Variants in GLMN observed in about 807,000 individuals in gnomAD.
GLMN encodes the protein glomulin.
GLMN carries 75 observed loss-of-function variants against 87.8 expected under a neutral mutation model. That is an observed-to-expected ratio of 0.85 (90% CI 0.71 to 1.04). The LOEUF is 1.04. Among genes scored for constraint, GLMN ranks in the 50% least tolerant of loss-of-function variants. The probability of loss-of-function intolerance (pLI) is 0.00; values close to 1 mark genes in which losing one functional copy is unlikely to be tolerated. For missense variants in GLMN, 588 were observed against 658.8 expected (o/e 0.89, Z 1.18); for synonymous variants, 206 against 221.6 (o/e 0.93, Z 0.63).
chr1:92,315,125 A>T, the GLMN span, among the ~76,000 whole-genome samples: 3 of 152,118 alleles, frequency 2.0e-5, no homozygotes, highest in South Asian at 4.1e-4. Flanking sequence ...AAAAAAAAAA[A>T]TTTAAAGGAA....
At chr1:92,356,586 T>TGG in the GLMN span, among the ~76,000 whole-genome samples, 19 of 104,876 alleles carry the variant, frequency 1.8e-4, 1 homozygote, top group Non-Finnish European at 3.2e-4. Flanking sequence ...TCCTGGCTAA[T>TGG]TTTTTTTTTT....
At chr1:92,301,578 C>G (rs1382551954), upstream of GLMN, 1 of 1,445,788 alleles carries the variant, frequency 6.9e-7, no homozygotes, top group South Asian at 1.3e-5. Context: ...CAGAAGAGTT[C>G]CTAATGGAGT....
chr1:92,280,784 G>C (rs2100986406), intron 7 of GLMN, among the ~76,000 whole-genome samples: 1 of 152,244 alleles, frequency 6.6e-6, no homozygotes, highest in Non-Finnish European at 1.5e-5. Context: ...TGACCTGATG[G>C]AGCTGAAAAC....
At chr1:92,252,997 G>T (rs1416156498) in intron 16 of GLMN, among the ~76,000 whole-genome samples, 2 of 152,112 alleles carry the variant, frequency 1.3e-5, no homozygotes, top group African/African-American at 4.8e-5. Flanking sequence ...ACCCTGCAAA[G>T]AATACAGTCA....
the GLMN span, among the ~76,000 whole-genome samples, chr1:92,341,021 A>G: frequency 7.9e-5 from 12 of 151,950 alleles, no homozygotes; most frequent in African/African-American, 2.9e-4. Flanking sequence ...ATTTATTTTT[A>G]TTTTTGAGAC....
upstream of GLMN, chr1:92,301,631 C>A: frequency 4.7e-6 from 4 of 856,354 alleles, no homozygotes; most frequent in Non-Finnish European, 3.6e-6. Context: ...TGTAGTATAA[C>A]ATCTTTAAAT....
chr1:92,363,649 C>A, the GLMN span: 1 of 259,284 alleles, frequency 3.9e-6, no homozygotes, highest in Non-Finnish European at 7.6e-6. Context: ...GATATTTTTC[C>A]ACCTCTGCCA....
chr1:92,306,651 C>T, the GLMN span, among the ~76,000 whole-genome samples: 3 of 151,948 alleles, frequency 2.0e-5, no homozygotes. Flanking sequence ...AGAGACCAGC[C>T]TGGGCAACAA....
upstream of GLMN, chr1:92,299,123 C>G: frequency 1.3e-6 from 2 of 1,522,726 alleles, no homozygotes; most frequent in East Asian, 2.5e-5. Context: ...GCCGGGGCTC[C>G]CCGCTGCTCT....
intron 16 of GLMN, among the ~76,000 whole-genome samples, chr1:92,254,265 T>C (rs1445280598): frequency 6.6e-6 from 1 of 152,112 alleles, no homozygotes; most frequent in African/African-American, 2.4e-5. Context: ...AATATGGGAC[T>C]ATGTGAAAAG....
At chr1:92,272,923 G>T (rs1656390978) in intron 7 of GLMN, among the ~76,000 whole-genome samples, 1 of 152,162 alleles carries the variant, frequency 6.6e-6, no homozygotes, top group African/African-American at 2.4e-5. Context: ...CACTGGATGA[G>T]CCATAAAATG....
In GLMN at chr1:92,288,989, G is replaced by A. The variant is rs530241354; in HGVS notation, c.557C>T (p.Pro186Leu). ...GTTATCAATGACTTCTTCCACAAAA[G>A]GCTTAGTGAACTCTATTAAGGCCTT... is the stretch of plus-strand genomic sequence containing the variant. ...CCKALIEFTK[P>L]FVEEVIDNKE... The change falls in exon 6 of 19, where the codon CCT becomes CTT. Residue 186 changes from proline (P) to leucine (L), a missense_variant. Coordinates refer to ENST00000370360, the MANE Select transcript of GLMN (RefSeq NM_053274.3). 4.3e-6 allele frequency: 7 copies of A among 1,612,664 alleles called. No homozygotes were observed. The South Asian group carries it at 7.7e-5, about 18-fold the overall frequency.
At position 92,288,817 on chromosome 1, in the gene GLMN, A is replaced by G. The variant is rs12035165; in HGVS notation, c.632+97T>C. On this transcript the variant is annotated intron_variant, in intron 6 of 18. Coordinates refer to ENST00000370360, the MANE Select transcript of GLMN (RefSeq NM_053274.3). ...TCTAAAATTCAAAATCTGAAACTAG[A>G]TTTCTATTTACATGTCAAACAAAGT... 243 of 751,314 alleles carry G rather than the reference A, an allele frequency of 3.2e-4. 3 individuals are homozygous for G. The East Asian group carries it at 5.9e-3, about 18-fold the overall frequency. 46.5% of individuals were successfully genotyped at this position (751,314 alleles called of 1,614,324 possible). A position where few individuals can be genotyped will look rare whatever the true frequency, so the allele number is the denominator to read the frequency against.
chr1:92,353,331 A>G, the GLMN span, among the ~76,000 whole-genome samples: 1 of 152,180 alleles, frequency 6.6e-6, no homozygotes, highest in Non-Finnish European at 1.5e-5. Context: ...GGCTCCAAAG[A>G]TTGAACTTTA....
At chr1:92,327,408 T>C in the GLMN span, among the ~76,000 whole-genome samples, 1 of 152,394 alleles carries the variant, frequency 6.6e-6, no homozygotes, top group African/African-American at 2.4e-5. Context: ...TATCATTGTA[T>C]AATGTCCCTC....
At chr1:92,297,585 AAATT>A (rs1226391246) in intron 2 of GLMN, 56 bp from the exon 3 acceptor site, 33 of 1,373,660 alleles carry the variant, frequency 2.4e-5, no homozygotes, top group African/African-American at 1.5e-4. Flanking sequence ...ATGCAAATAA[AAATT>A]AAATACAATA....
the GLMN span, among the ~76,000 whole-genome samples, chr1:92,337,149 C>T: frequency 1.3e-5 from 2 of 152,016 alleles, no homozygotes; most frequent in Non-Finnish European, 2.9e-5. Context: ...TGCACTGACA[C>T]AGAATAAACT....
At chr1:92,302,590 ATT>A (rs36067595), upstream of GLMN, among the ~76,000 whole-genome samples, 1,744 of 74,020 alleles carry the variant, frequency 0.024, 6 homozygotes, top group African/African-American at 0.096. Flanking sequence ...TCCGCATTAA[ATT>A]TTTTTTTTTT....
At chr1:92,329,932 A>C in the GLMN span, among the ~76,000 whole-genome samples, 1 of 152,200 alleles carries the variant, frequency 6.6e-6, no homozygotes, top group Non-Finnish European at 1.5e-5. Context: ...CTGTTTTCCA[A>C]AGCGTGAAAA....
Sources: gnomAD v4.1 joint callset for allele counts (sites outside exome capture counted in the v4.1 genomes callset) on GRCh38, gnomAD v4.1.1 for gene constraint, MANE v1.5 for transcripts, NCBI Gene and HGNC (gene_info 2026-07-23, HGNC 2026-07-21) for gene names.